The following GALNT18 variants were observed in gnomAD, a reference collection of about 807,000 sequenced individuals.
GALNT18 encodes GalNAc-transferase 18.
A neutral mutation model predicts 69.5 loss-of-function variants in GALNT18; 44 were observed. That is an observed-to-expected ratio of 0.63 (90% CI 0.50 to 0.81). The LOEUF is 0.81. Among genes scored for constraint, GALNT18 ranks in the 40% least tolerant of loss-of-function variants. The pLI is 0.00. For synonymous variants in GALNT18, 364 were observed against 318.2 expected, an observed-to-expected ratio of 1.14 and a Z score of -1.53; for missense variants, 715 against 810.0, an observed-to-expected ratio of 0.88 and a Z score of 1.42.
In GALNT18 at chr11:11,515,901, A is replaced by G. The variant is rs376287205; in HGVS notation, c.236-66965T>C. Among the ~76,000 whole-genome samples, 13 of 152,346 alleles carry G rather than the reference A, an allele frequency of 8.5e-5. No individual in the cohort carries two copies. The East Asian group carries it at 1.7e-3, about 20-fold the overall frequency. On this transcript the variant is annotated intron_variant, in intron 1 of 10. Coordinates refer to ENST00000227756, the MANE Select transcript of GALNT18 (RefSeq NM_198516.3). Reference sequence around the variant, plus strand: ...TAGTGGGAGGAGAGGTGGGTCCCTCAACGGGAGAGAGGCAACTCAGCAAGG... The same window carrying G: ...TAGTGGGAGGAGAGGTGGGTCCCTCGACGGGAGAGAGGCAACTCAGCAAGG...
chr11:11,613,253 A>T lies in GALNT18; in HGVS notation c.235+8106T>A, dbSNP rs983803359. ...GTTGGCTGCACTGGAACTACAGGGG[A>T]TCTATAAAAGGTATACAGATCCACA... On this transcript the variant is annotated intron_variant, in intron 1 of 10. Transcript: ENST00000227756. This position sits in a 1 kb window ranked among gnomAD's most constrained non-coding sequence, Gnocchi z 4.2. Among the ~76,000 whole-genome samples, 1 of 152,200 alleles carries T rather than the reference A, an allele frequency of 6.6e-6. No homozygotes were observed. Among genetic ancestry groups the T allele is most frequent in the Admixed American group, 6.5e-5 (1 of 15,274 alleles).
At chr11:11,280,007 G>T (rs1342247810) in intron 10 of GALNT18, among the ~76,000 whole-genome samples, 1 of 152,152 alleles carries the variant, frequency 6.6e-6, no homozygotes, top group Non-Finnish European at 1.5e-5. Context: ...GACTGTGTAT[G>T]TGTGTGTTGG....
At chr11:11,535,705 G>A (rs753241711) in intron 1 of GALNT18, among the ~76,000 whole-genome samples, 57 of 152,288 alleles carry the variant, frequency 3.7e-4, no homozygotes, top group Admixed American at 2.0e-3. Flanking sequence ...AGGTTTGCCC[G>A]CCTGCCTAGA....
Position 11,271,263 on chromosome 11 carries a change from T to G in GALNT18, c.1705A>C (p.Lys569Gln). 1 of 1,614,068 alleles carries G rather than the reference T, an allele frequency of 6.2e-7. No homozygotes were observed. Among genetic ancestry groups the G allele is most frequent in the East Asian group, 2.2e-5 (1 of 44,878 alleles). The part of the protein sequence containing the change: ...QGGPIQNRKS[K>Q]RCLELQENSD... ...TTCTCCTGCAGCTCCAGACAGCGCTTAGACTTGCGGTTCTGGATGGGTCCT... is the reference window on the plus strand; with the variant it reads ...TTCTCCTGCAGCTCCAGACAGCGCTGAGACTTGCGGTTCTGGATGGGTCCT... Residue 569 changes from lysine to glutamine, a missense_variant, in exon 11 of 11, where the codon AAG becomes CAG. Physicochemically the swap from Lys to Gln is moderately conservative, Grantham distance 53. Coordinates refer to ENST00000227756, the MANE Select transcript of GALNT18 (RefSeq NM_198516.3).
intron 3 of GALNT18, among the ~76,000 whole-genome samples, chr11:11,391,514 G>T (rs1854190103): frequency 6.6e-6 from 1 of 152,212 alleles, no homozygotes. Context: ...CCCAGGCTTT[G>T]CACTAGGCCC....
chr11:11,424,762 G>A (rs1855089172), intron 3 of GALNT18, among the ~76,000 whole-genome samples: 1 of 152,156 alleles, frequency 6.6e-6, no homozygotes, highest in Non-Finnish European at 1.5e-5. Flanking sequence ...GCGGTGCTAG[G>A]GGCAGAACCA....
At chr11:11,489,294 G>C (rs1402568406) in intron 1 of GALNT18, among the ~76,000 whole-genome samples, 3 of 152,228 alleles carry the variant, frequency 2.0e-5, no homozygotes, top group African/African-American at 7.2e-5. Flanking sequence ...ATAGCTGAGA[G>C]ATGTGGGATC....
At chr11:11,536,125 A>G (rs1448062802) in intron 1 of GALNT18, among the ~76,000 whole-genome samples, 2 of 152,240 alleles carry the variant, frequency 1.3e-5, no homozygotes, top group Non-Finnish European at 2.9e-5. Context: ...CCTGTACAGG[A>G]AATGACATGA....
At position 11,387,573 on chromosome 11, in the gene GALNT18, CAGA is replaced by C. The variant is rs1238707636; in HGVS notation, c.596-8312_596-8310del. Among the ~76,000 whole-genome samples the C allele has an allele frequency of 5.3e-5, 8 of 152,314 alleles. No homozygotes were observed. Among genetic ancestry groups the C allele is most frequent in the Admixed American group, 3.3e-4 (5 of 15,302 alleles). On this transcript the variant is annotated intron_variant, in intron 3 of 10. Coordinates refer to ENST00000227756, the MANE Select transcript of GALNT18 (RefSeq NM_198516.3). This position sits in a 1 kb window ranked among gnomAD's most constrained non-coding sequence, Gnocchi z 4.6. ...GAAAAGTGGCTTGTCTTCTTCAGATCAGAAGATTAACTGGCTTTTCTCTGAAGC... is the reference window on the plus strand; with the variant it reads ...GAAAAGTGGCTTGTCTTCTTCAGATCAGATTAACTGGCTTTTCTCTGAAGC...
chr11:11,410,606 T>A (rs1294679325), intron 3 of GALNT18, among the ~76,000 whole-genome samples: 1 of 152,194 alleles, frequency 6.6e-6, no homozygotes, highest in East Asian at 1.9e-4. Flanking sequence ...TAAAACTTTC[T>A]CAAGATTTCT....
Position 11,426,741 on chromosome 11 carries a change from C to T in GALNT18, c.595+5880G>A, listed in dbSNP as rs568406928. On this transcript the variant is annotated intron_variant, in intron 3 of 10. Coordinates refer to ENST00000227756, the MANE Select transcript of GALNT18 (RefSeq NM_198516.3). ...AGGAGTGACAGGGAGGAGTGCTGCC[C>T]TTTAAACGGAGTGATTCACTGACCT... Among the ~76,000 whole-genome samples the T allele has an allele frequency of 2.0e-5, 3 of 152,136 alleles. No homozygotes were observed. In the South Asian group the frequency reaches 6.2e-4, roughly 32 times the overall value.
intron 1 of GALNT18, among the ~76,000 whole-genome samples, chr11:11,471,141 C>CT (rs1449507873): frequency 6.6e-6 from 1 of 152,084 alleles, no homozygotes; most frequent in Admixed American, 6.5e-5. Flanking sequence ...CATTCCACTC[C>CT]TTTTTTAAGA....
intron 1 of GALNT18, among the ~76,000 whole-genome samples, chr11:11,526,776 A>T (rs1857536688): frequency 6.6e-6 from 1 of 152,144 alleles, no homozygotes. Context: ...GTGACATGTC[A>T]CTTCTGCTCA....
At chr11:11,577,832 G>A (rs138668194) in intron 1 of GALNT18, among the ~76,000 whole-genome samples, 1 of 152,308 alleles carries the variant, frequency 6.6e-6, no homozygotes, top group East Asian at 1.9e-4. Context: ...GACAGGGCGT[G>A]GGTGGTTATT....
intron 2 of GALNT18, among the ~76,000 whole-genome samples, chr11:11,441,435 G>A (rs765920714): frequency 2.6e-5 from 4 of 152,138 alleles, no homozygotes; most frequent in Non-Finnish European, 5.9e-5. Context: ...CCCAAACTAG[G>A]AAAGTTCACC....
At position 11,379,126 on chromosome 11, in the gene GALNT18, G is replaced by A. The variant is rs1853845815; in HGVS notation, c.734C>T (p.Pro245Leu). The A allele has an allele frequency of 1.2e-6, 2 of 1,610,630 alleles. No homozygotes were observed. The highest frequency in any genetic ancestry group is 2.7e-5 in the African/African-American group (2 of 74,860). The change falls in exon 4 of 11, where the codon CCT becomes CTT. Residue 245 changes from proline (P) to leucine (L), a missense_variant. Transcript: ENST00000227756. ...GTGGGCATCAAAGAGTGCCACCACA[G>A]GGGCAGTGGCCGCCCTCCAGCCACT... ...RVSGWRAATA[P>L]VVALFDAHVE...
rs370201308 is a variant in GALNT18 at position 11,480,252 on chromosome 11, C to T, written c.236-31316G>A. Among the ~76,000 whole-genome samples the T allele has an allele frequency of 6.8e-6, 1 of 147,756 alleles. No individual in the cohort carries two copies. Among genetic ancestry groups the T allele is most frequent in the African/African-American group, 2.6e-5 (1 of 37,850 alleles). ...TATTTCTTTCTTTCTTCCTTCCTTCCTCTCTCTCTCTCTTTCTCTCTCTCT... is the reference window on the plus strand; with the variant it reads ...TATTTCTTTCTTTCTTCCTTCCTTCTTCTCTCTCTCTCTTTCTCTCTCTCT... On this transcript the variant is annotated intron_variant, in intron 1 of 10. Coordinates refer to ENST00000227756, the MANE Select transcript of GALNT18 (RefSeq NM_198516.3). The surrounding 1 kb of genome is among the most constrained non-coding windows in gnomAD (Gnocchi z 4.6).
At chr11:11,581,276 G>T (rs1395966681) in intron 1 of GALNT18, among the ~76,000 whole-genome samples, 1 of 152,188 alleles carries the variant, frequency 6.6e-6, no homozygotes, top group African/African-American at 2.4e-5. Flanking sequence ...CAACAGGCAG[G>T]CCTCACAGAA....
chr11:11,537,722 ACC>A (rs1857816987), intron 1 of GALNT18, among the ~76,000 whole-genome samples: 1 of 152,156 alleles, frequency 6.6e-6, no homozygotes, highest in Non-Finnish European at 1.5e-5. Context: ...TTGATTTAGG[ACC>A]TCACCCTGGA....
Sources: gnomAD v4.1 joint callset for allele counts (sites outside exome capture counted in the v4.1 genomes callset) on GRCh38, gnomAD v4.1.1 for gene constraint, Gnocchi (gnomAD v3.1) non-coding constraint, MANE v1.5 for transcripts, NCBI Gene and HGNC (gene_info 2026-07-23, HGNC 2026-07-21) for gene names.